PLXNA4: variants seen among roughly 807,000 people sequenced by gnomAD.
The protein encoded by PLXNA4 is plexin A4, also known as plexin-A4.
Under a neutral mutation model 191.8 loss-of-function variants are expected in PLXNA4, and 44 were observed. That is an observed-to-expected ratio of 0.23 (90% confidence interval 0.18 to 0.29). The LOEUF is 0.29. Ranked by LOEUF, PLXNA4 falls within the 10% of genes least tolerant of loss-of-function variation. The pLI is 1.00. For missense variants in PLXNA4, 1,800 were observed against 2,488.8 expected (o/e 0.72, Z 5.89); for synonymous variants, 1,082 against 1,009.5 (o/e 1.07, Z -1.36).
At chr7:132,142,229 G>A (rs911230052) in intron 29 of PLXNA4, among the ~76,000 whole-genome samples, 1 of 152,042 alleles carries the variant, frequency 6.6e-6, no homozygotes, top group Non-Finnish European at 1.5e-5. Flanking sequence ...ATAATCCTAC[G>A]GCTTCCAACC....
intron 21 of PLXNA4, 122 bp downstream of exon 21, chr7:132,174,656 C>T (rs1796396160): frequency 6.8e-7 from 1 of 1,465,862 alleles, no homozygotes. Flanking sequence ...ATCTGGGGGA[C>T]CTTGGGCAAG....
intron 3 of PLXNA4, chr7:132,366,027 T>C (rs529599772): frequency 2.0e-5 from 3 of 152,246 alleles, no homozygotes; most frequent in South Asian, 4.1e-4. Context: ...TAAGAGAAAT[T>C]GGAAGAAACC....
chr7:132,582,911 G>T (rs986167550), intron 2 of PLXNA4, among the ~76,000 whole-genome samples: 1 of 152,268 alleles, frequency 6.6e-6, no homozygotes, highest in Non-Finnish European at 1.5e-5. Context: ...CTCATACTGG[G>T]CAGGACTGGG....
intron 2 of PLXNA4, among the ~76,000 whole-genome samples, chr7:132,615,372 C>T (rs962083247): frequency 2.0e-5 from 3 of 152,276 alleles, no homozygotes; most frequent in South Asian, 2.1e-4. Context: ...CCTGGACTGC[C>T]GCCGTGGGGA....
chr7:132,340,517 G>A (rs1169831394), intron 3 of PLXNA4, among the ~76,000 whole-genome samples: 1 of 152,196 alleles, frequency 6.6e-6, no homozygotes, highest in Non-Finnish European at 1.5e-5. Context: ...ACTGAAGAGT[G>A]AGCTGTGAAT....
intron 3 of PLXNA4, among the ~76,000 whole-genome samples, chr7:132,456,143 C>T (rs1796309116): frequency 7.0e-6 from 1 of 143,726 alleles, no homozygotes; most frequent in African/African-American, 2.6e-5. Flanking sequence ...GATGGAGTCT[C>T]ACTCTGTCAC....
chr7:132,131,168 C>G (rs557280178), intron 31 of PLXNA4, among the ~76,000 whole-genome samples: 28 of 152,184 alleles, frequency 1.8e-4, no homozygotes, highest in African/African-American at 6.7e-4. Context: ...TAATGTCTAC[C>G]AAAGCCTTTT....
intron 3 of PLXNA4, among the ~76,000 whole-genome samples, chr7:132,488,469 T>A (rs965984694): frequency 6.6e-6 from 1 of 152,166 alleles, no homozygotes; most frequent in African/African-American, 2.4e-5. Context: ...GAGCTCCACA[T>A]GGAATCATCA....
At chr7:132,382,540 T>C (rs945771056) in intron 3 of PLXNA4, among the ~76,000 whole-genome samples, 2 of 152,116 alleles carry the variant, frequency 1.3e-5, no homozygotes, top group Non-Finnish European at 2.9e-5. Context: ...ACCCTAAGCA[T>C]GCACAGTCAA....
chr7:132,224,282 TG>T (rs1798242668), intron 8 of PLXNA4, among the ~76,000 whole-genome samples: 1 of 152,162 alleles, frequency 6.6e-6, no homozygotes, highest in African/African-American at 2.4e-5. Flanking sequence ...TTTGTTGCTT[TG>T]GCCACGAATA....
intron 3 of PLXNA4, among the ~76,000 whole-genome samples, chr7:132,445,160 A>G (rs924617888): frequency 1.6e-5 from 2 of 124,304 alleles, no homozygotes; most frequent in Non-Finnish European, 3.1e-5. Flanking sequence ...ATCTCAGGAA[A>G]AAAAAAAAAA....
chr7:132,593,852 G>C (rs1203610433), intron 2 of PLXNA4, among the ~76,000 whole-genome samples: 4 of 152,210 alleles, frequency 2.6e-5, no homozygotes, highest in Admixed American at 6.5e-5. Context: ...TTGAATGAAG[G>C]CACCCCAAAA....
At chr7:132,472,209 T>A (rs1342211671) in intron 3 of PLXNA4, among the ~76,000 whole-genome samples, 1 of 152,244 alleles carries the variant, frequency 6.6e-6, no homozygotes, top group Non-Finnish European at 1.5e-5. Context: ...TGATACTTTT[T>A]TCCCCATATC....
At chr7:132,377,217 AC>A (rs1384462996) in intron 3 of PLXNA4, among the ~76,000 whole-genome samples, 2 of 152,102 alleles carry the variant, frequency 1.3e-5, no homozygotes, top group Non-Finnish European at 2.9e-5. Flanking sequence ...GTTGGAAAAA[AC>A]CCAGATTCCC....
chr7:132,446,168 T>C (rs532535693), intron 3 of PLXNA4, among the ~76,000 whole-genome samples: 2 of 152,216 alleles, frequency 1.3e-5, no homozygotes, highest in African/African-American at 4.8e-5. Context: ...CCCTTTACCG[T>C]TGTTGATGGT....
intron 2 of PLXNA4, among the ~76,000 whole-genome samples, chr7:132,625,945 T>C (rs67782645): frequency 0.13 from 20,007 of 152,110 alleles, 1,420 homozygotes; most frequent in Non-Finnish European, 0.15. Context: ...CAGTCATCAG[T>C]AATTAAGAGA....
chr7:132,238,671 A>T (rs1798781362), intron 5 of PLXNA4, among the ~76,000 whole-genome samples: 1 of 152,236 alleles, frequency 6.6e-6, no homozygotes, highest in African/African-American at 2.4e-5. Context: ...TCAGAATAAA[A>T]CATGGTGCCA....
intron 5 of PLXNA4, among the ~76,000 whole-genome samples, chr7:132,232,700 G>A (rs1399397123): frequency 6.6e-6 from 1 of 152,194 alleles, no homozygotes; most frequent in Non-Finnish European, 1.5e-5. Context: ...AACTTTCACT[G>A]CTGGAGAATT....
Position 132,146,387 on chromosome 7 carries a change from G to A in PLXNA4, c.5055+123C>T, listed in dbSNP as rs1382904261. 7.3e-6 allele frequency: 11 copies of A among 1,513,422 alleles called. No homozygotes were observed. In the South Asian group the frequency reaches 1.2e-4, roughly 16 times the overall value. The allele number at this position is 1,513,422 out of a possible 1,614,324, so 93.7% of individuals were successfully genotyped here. A position where few individuals can be genotyped will look rare whatever the true frequency, so the allele number is the denominator to read the frequency against. Reference sequence around the variant, plus strand: ...GGAATGGTCAGCAGTGCCTCCTGGGGTGGGTAATAGAGTGGGCACCAGCAT... The same window carrying A: ...GGAATGGTCAGCAGTGCCTCCTGGGATGGGTAATAGAGTGGGCACCAGCAT... On this transcript the variant is annotated intron_variant, in intron 28 of 31. Transcript: ENST00000321063.
Sources: allele counts gnomAD v4.1 joint callset (sites outside exome capture counted in the v4.1 genomes callset), GRCh38; gene constraint gnomAD v4.1.1; transcripts MANE v1.5; gene names NCBI Gene and HGNC (gene_info 2026-07-23, HGNC 2026-07-21).